TENT4A: variants seen among roughly 807,000 people sequenced by gnomAD.
TENT4A encodes DNA polymerase kappa.
TENT4A carries 7 observed loss-of-function variants against 72.8 expected under a neutral mutation model. The observed-to-expected ratio is 0.10, with a 90% CI of 0.05 to 0.18. TENT4A has a LOEUF of 0.18. TENT4A is among the 10% of genes least tolerant of loss of function. The probability of loss-of-function intolerance (pLI) is 1.00; values close to 1 mark genes in which losing one functional copy is unlikely to be tolerated. For missense variants in TENT4A, 831 were observed against 1,017.7 expected (o/e 0.82, Z 2.50); for synonymous variants, 456 against 434.3 (o/e 1.05, Z -0.62).
At chr5:6,747,414 C>T (rs1742163846) in intron 7 of TENT4A, among the ~76,000 whole-genome samples, 1 of 152,010 alleles carries the variant, frequency 6.6e-6, no homozygotes, top group Admixed American at 6.6e-5. Context: ...TTATTCAGCT[C>T]CTATACATTT....
chr5:6,752,772 T>A, intron 11 of TENT4A, 101 bp from the exon 12 acceptor site: 1 of 955,884 alleles, frequency 1.0e-6, no homozygotes, highest in Non-Finnish European at 1.6e-6. Context: ...CATGCAACTG[T>A]GCCATTTATC....
At chr5:6,717,835 ACT>A (rs1740462088) in intron 1 of TENT4A, among the ~76,000 whole-genome samples, 1 of 145,910 alleles carries the variant, frequency 6.9e-6, no homozygotes, top group South Asian at 2.1e-4. Context: ...GGCTGTTGTT[ACT>A]TTGTCATGGT....
intron 1 of TENT4A, among the ~76,000 whole-genome samples, chr5:6,729,997 A>G (rs1265245548): frequency 6.6e-6 from 1 of 151,964 alleles, no homozygotes; most frequent in Non-Finnish European, 1.5e-5. Flanking sequence ...TTCCCAAGTT[A>G]AGTATTTTTT....
In TENT4A at chr5:6,748,185, G is replaced by A. The variant is rs938378769; in HGVS notation, c.1460-279G>A. Among the ~76,000 whole-genome samples, 54 of 152,230 alleles carry A rather than the reference G, an allele frequency of 3.5e-4. 4 individuals carry two copies. The highest frequency in any genetic ancestry group is 3.8e-4 in the East Asian group (2 of 5,200). ...GTCACTCCGTCTGTGAATGGCAGCC[G>A]CCTCCGTGAGGTGGGCCATGAGCAC... is the stretch of plus-strand genomic sequence containing the variant. On this transcript the variant is annotated intron_variant, in intron 7 of 12. Coordinates refer to ENST00000230859, the MANE Select transcript of TENT4A (RefSeq NM_006999.6).
chr5:6,745,050 C>T (rs1400407487), intron 6 of TENT4A, among the ~76,000 whole-genome samples: 1 of 152,212 alleles, frequency 6.6e-6, no homozygotes, highest in African/African-American at 2.4e-5. Context: ...TGTGCCTTGT[C>T]CAGTGCCCAG....
rs562362753 is a variant in TENT4A, at chr5:6,745,971, G to A, written c.1246-243G>A. ...TATCTGTGTTTGCAGGAAGTTTGCT[G>A]TATGGATTACCAATTTCAAAAATCA... On this transcript the variant is annotated intron_variant, in intron 6 of 12. Transcript: ENST00000230859. The A allele has an allele frequency of 7.4e-5, 98 of 1,320,096 alleles. 3 individuals are homozygous for A. In the South Asian group the frequency reaches 1.4e-3, roughly 19 times the overall value. 81.8% of individuals were successfully genotyped at this position (1,320,096 alleles called of 1,614,324 possible). A position where few individuals can be genotyped will look rare whatever the true frequency, so the allele number is the denominator to read the frequency against.
intron 1 of TENT4A, among the ~76,000 whole-genome samples, chr5:6,716,154 C>T (rs1456405766): frequency 3.3e-5 from 5 of 152,148 alleles, no homozygotes; most frequent in African/African-American, 4.8e-5. Flanking sequence ...CACTTGGGCT[C>T]CCCGAGCTGT....
chr5:6,743,505 A>C (rs1741933213), intron 5 of TENT4A, among the ~76,000 whole-genome samples: 1 of 151,950 alleles, frequency 6.6e-6, no homozygotes, highest in Non-Finnish European at 1.5e-5. Context: ...ACCCAGGGAG[A>C]GCTCCACAGT....
chr5:6,754,731 C>T lies in TENT4A; in HGVS notation c.2185-20C>T. 2 of 1,552,560 alleles carry T rather than the reference C, an allele frequency of 1.3e-6. No homozygotes were observed. Among genetic ancestry groups the T allele is most frequent in the Non-Finnish European group, 1.8e-6 (2 of 1,139,968 alleles). ...TGCCTGCTGTCTGGCTCCAACACTGCTGTCTCTCTCTTTCTCCAGCAGCAC... is the reference window on the plus strand; with the variant it reads ...TGCCTGCTGTCTGGCTCCAACACTGTTGTCTCTCTCTTTCTCCAGCAGCAC... On this transcript the variant is annotated intron_variant, in intron 12 of 12. Coordinates refer to ENST00000230859, the MANE Select transcript of TENT4A (RefSeq NM_006999.6).
intron 5 of TENT4A, among the ~76,000 whole-genome samples, chr5:6,743,037 T>C (rs1741896010): frequency 6.6e-6 from 1 of 152,098 alleles, no homozygotes; most frequent in African/African-American, 2.4e-5. Context: ...TGCCTGGTCT[T>C]AAACGGGTGG....
chr5:6,713,513 G>A lies in TENT4A; in HGVS notation c.-471G>A, dbSNP rs1247057029. ...CGCAGGAGCGCCGAGCCAGCGGCGC[G>A]AGCGTGACTGAGGGCTAGCCGCACG... On this transcript the variant is annotated 5_prime_UTR_variant, in exon 1 of 13. Coordinates refer to ENST00000230859, the MANE Select transcript of TENT4A (RefSeq NM_006999.6). 6.7e-6 allele frequency: 1 copy of A among 148,422 alleles called. No individual in the cohort carries two copies. The allele number at this position is 148,422 out of a possible 1,614,324, so 9.2% of individuals were successfully genotyped here. A position where few individuals can be genotyped will look rare whatever the true frequency, so the allele number is the denominator to read the frequency against.
chr5:6,737,505 A>T lies in TENT4A; in HGVS notation c.717-5A>T. ...CTCTAGTATGTTTTCTTTTTTGTCC[A>T]TTAGACTACATGAGGAAATAATTGA... On this transcript the variant is annotated splice_region_variant and splice_polypyrimidine_tract_variant and intron_variant, in intron 1 of 12. Coordinates refer to ENST00000230859, the MANE Select transcript of TENT4A (RefSeq NM_006999.6). 1 of 1,608,746 alleles carries T rather than the reference A, an allele frequency of 6.2e-7. No individual in the cohort carries two copies. Among genetic ancestry groups the T allele is most frequent in the Admixed American group, 1.7e-5 (1 of 59,176 alleles).
intron 4 of TENT4A, 32 bp from the exon 5 acceptor site, chr5:6,742,458 T>C: frequency 7.1e-7 from 1 of 1,405,668 alleles, no homozygotes; most frequent in Middle Eastern, 1.8e-4. Context: ...GTCCTGCATG[T>C]TAAAGCAGTT....
chr5:6,726,314 C>T (rs1243996102), intron 1 of TENT4A, among the ~76,000 whole-genome samples: 2 of 152,132 alleles, frequency 1.3e-5, no homozygotes, highest in African/African-American at 2.4e-5. Context: ...TGGGAAACCA[C>T]GATTTGCAGC....
intron 12 of TENT4A, among the ~76,000 whole-genome samples, chr5:6,754,288 C>G (rs549111922): frequency 3.5e-4 from 54 of 152,292 alleles, no homozygotes; most frequent in African/African-American, 1.3e-3. Context: ...TGTGCCTCAG[C>G]TTCTTGAGTA....
intron 1 of TENT4A, among the ~76,000 whole-genome samples, chr5:6,730,670 A>T (rs1741167289): frequency 6.6e-6 from 1 of 151,780 alleles, no homozygotes; most frequent in Admixed American, 6.6e-5. Context: ...TGAGGCAGGC[A>T]CTAAAAGCAG....
chr5:6,746,938 G>A (rs865780352), intron 7 of TENT4A, among the ~76,000 whole-genome samples: 14 of 152,180 alleles, frequency 9.2e-5, no homozygotes, highest in African/African-American at 2.9e-4. Flanking sequence ...GAGGATTGCC[G>A]CATTGAAGAG....
intron 1 of TENT4A, among the ~76,000 whole-genome samples, chr5:6,736,982 G>A (rs942329237): frequency 3.9e-5 from 6 of 152,228 alleles, no homozygotes; most frequent in African/African-American, 1.4e-4. Flanking sequence ...CAGGTAGCTT[G>A]GGCAGACCTG....
intron 12 of TENT4A, among the ~76,000 whole-genome samples, chr5:6,754,172 A>T (rs904357842): frequency 4.7e-5 from 7 of 150,152 alleles, no homozygotes; most frequent in East Asian, 1.9e-4. Flanking sequence ...GGACCTTCTT[A>T]CTTCTGTTTT....
Sources: gnomAD v4.1 joint callset for allele counts (sites outside exome capture counted in the v4.1 genomes callset) on GRCh38, gnomAD v4.1.1 for gene constraint, MANE v1.5 for transcripts, NCBI Gene and HGNC (gene_info 2026-07-23, HGNC 2026-07-21) for gene names.